Variants in KCND1 observed in about 807,000 individuals in gnomAD.
KCND1 encodes the protein A-type voltage-gated potassium channel KCND1.
KCND1 carries 11 observed loss-of-function variants against 31.8 expected under a neutral mutation model. That is an observed-to-expected ratio of 0.35 (90% CI 0.22 to 0.57). KCND1 has a LOEUF of 0.57. Ranked by LOEUF, KCND1 falls within the 20% of genes least tolerant of loss-of-function variation. The pLI is 0.85. For missense variants in KCND1, 471 were observed against 596.8 expected (o/e 0.79, Z 2.20); for synonymous variants, 234 against 248.1 (o/e 0.94, Z 0.53).
chrX:48,966,347 G>A (rs1238884867), intron 4 of KCND1, 42 bp from the exon 5 acceptor site: 5 of 1,157,519 alleles, frequency 4.3e-6, no homozygotes, highest in Non-Finnish European at 5.8e-6. Flanking sequence ...CATCCCATGG[G>A]AGCTGATCCC....
Position 48,969,527 on chromosome X carries a change from G to T in KCND1, c.745C>A (p.Arg249=), listed in dbSNP as rs782167195. ...CAACGGCTGGGGGCGGCAAACAGCC[G>T]CAGGAGGTATTCACCTGTGAATATG... is the stretch of plus-strand genomic sequence containing the variant. The part of the protein sequence containing the change: ...VLIFTGEYLL[R]LFAAPSRCRF... The change falls in exon 1 of 6, where the codon CGG becomes AGG. Residue 249 remains arginine, a synonymous_variant. Coordinates refer to ENST00000218176, the MANE Select transcript of KCND1 (RefSeq NM_004979.6). 11 of 1,209,547 alleles carry T rather than the reference G, an allele frequency of 9.1e-6. No homozygotes were observed. The highest frequency in any genetic ancestry group is 1.8e-5 in the South Asian group (1 of 56,687).
In KCND1 at chrX:48,966,634, G is replaced by T; in HGVS notation, c.1411C>A (p.Arg471Ser). Residue 471 changes from arginine to serine, a missense_variant, in exon 4 of 6, where the codon CGT (arginine) becomes AGT (serine). Arg to Ser is a moderately radical substitution (Grantham distance 110, BLOSUM62 -1). Transcript: ENST00000218176. Reference sequence around the variant, plus strand: ...TGATGTTGCTGTTCAAAGGCAGAACGGTTCCTGACACAAAGAGCCTGTTCC... The same window carrying T: ...TGATGTTGCTGTTCAAAGGCAGAACTGTTCCTGACACAAAGAGCCTGTTCC... ...GEEQALCVRN[R>S]SAFEQQHHHL... The T allele has an allele frequency of 8.3e-7, 1 of 1,210,323 alleles. No homozygotes were observed. The highest frequency in any genetic ancestry group is 1.1e-6 in the Non-Finnish European group (1 of 894,828).
At chrX:48,963,795 C>G (rs2064336553) in intron 5 of KCND1, among the ~76,000 whole-genome samples, 1 of 112,094 alleles carries the variant, frequency 8.9e-6, no homozygotes, top group African/African-American at 3.2e-5. Context: ...ATGGTTACTC[C>G]TAACAGTGTC....
chrX:48,962,921 G>A (rs782743114), intron 5 of KCND1, 115 bp from the exon 6 acceptor site: 2 of 554,696 alleles, frequency 3.6e-6, no homozygotes, highest in East Asian at 7.3e-5. Context: ...TGGATCATCT[G>A]AGGTCAAGAG....
At position 48,969,405 on chromosome X, in the gene KCND1, G is replaced by A. The variant is rs1360413880; in HGVS notation, c.867C>T (p.Gly289=). Residue 289 remains glycine (G), a synonymous_variant, in exon 1 of 6, where the codon GGC becomes GGT. Coordinates refer to ENST00000218176, the MANE Select transcript of KCND1 (RefSeq NM_004979.6). ...GGAACACACGCAGGGTGACAAAGGC[G>A]CCAGAGACATCGTCGTTCTTGGGCA... The part of the protein sequence containing the change: ...LLVPKNDDVS[G]AFVTLRVFRV... 2.5e-6 allele frequency: 3 copies of A among 1,209,141 alleles called. No individual in the cohort carries two copies. Among genetic ancestry groups the A allele is most frequent in the African/African-American group, 1.7e-5 (1 of 57,294 alleles).
rs373479065 is a variant in KCND1 at position 48,962,651 on chromosome X, C to T, written c.1874G>A (p.Ser625Asn). ...ACCCAGGCTGGAGTTCCTGAGGGTG[C>T]TGCCGGCCCTGCCACCGCCGCCAGG... Reference protein sequence around the residue: ...SSPGGGGRAGSTLRNSSLGTP... With the variant: ...SSPGGGGRAGNTLRNSSLGTP... Residue 625 changes from serine (S) to asparagine (N), a missense_variant, in exon 6 of 6, where the codon AGC becomes AAC. Physicochemically the swap from Ser to Asn is conservative, Grantham distance 46 (BLOSUM62 1). This residue lies in a region of KCND1 where 185 missense variants were observed against 184.7 expected (regional missense o/e 1.00). Transcript: ENST00000218176. 2.5e-6 allele frequency: 3 copies of T among 1,207,560 alleles called. No homozygotes were observed. The African/African-American group carries it at 5.3e-5, about 21-fold the overall frequency.
At chrX:48,966,434 A>G (rs1557058030) in intron 4 of KCND1, 129 bp from the exon 5 acceptor site, 14 of 1,024,759 alleles carry the variant, frequency 1.4e-5, no homozygotes, top group Non-Finnish European at 1.8e-5. Flanking sequence ...CCATTCTTCA[A>G]GGCTTGGCTC....
At chrX:48,964,129 C>A (rs2087981324) in intron 5 of KCND1, among the ~76,000 whole-genome samples, 2 of 112,604 alleles carry the variant, frequency 1.8e-5, no homozygotes, top group South Asian at 7.2e-4. Flanking sequence ...CACCTGTAAT[C>A]CCAGCACTCT....
rs1557057364 is a variant in KCND1, at chrX:48,962,801, G to C, written c.1724C>G (p.Ser575Cys). The C allele has an allele frequency of 4.1e-6, 5 of 1,205,854 alleles. No individual in the cohort carries two copies. In the South Asian group the frequency reaches 7.1e-5, roughly 17 times the overall value. ...LRRSHAPQSRSSLNAKPHDSL... is the reference protein window; with the variant it reads ...LRRSHAPQSRCSLNAKPHDSL... ...GTCATGGGGCTTGGCATTGAGGCTG[G>C]AACGGCTGTGGACAAGGGTGGAGAA... Residue 575 changes from serine (S) to cysteine (C), a missense_variant, in exon 6 of 6, where the codon TCC becomes TGC. By Grantham distance (112) the Ser-to-Cys change is moderately radical. Around this residue, in one of 3 missense-constraint regions of KCND1, gnomAD observed 185 missense variants for 184.7 expected, o/e 1.00. Coordinates refer to ENST00000218176, the MANE Select transcript of KCND1 (RefSeq NM_004979.6).
In KCND1 at chrX:48,961,404, G is replaced by T. The variant is rs2064318778; in HGVS notation, c.*1177C>A. The T allele has an allele frequency of 8.9e-6, 1 of 112,157 alleles. No homozygotes were observed. Among genetic ancestry groups the T allele is most frequent in the African/African-American group, 3.2e-5 (1 of 30,848 alleles). 9.2% of individuals were successfully genotyped at this position (112,157 alleles called of 1,213,427 possible). A position where few individuals can be genotyped will look rare whatever the true frequency, so the allele number is the denominator to read the frequency against. Reference sequence around the variant, plus strand: ...CTCATCTCTCCTCTCAGGTTTTATTGACTGATGGAAACTACATCTTTGTCA... The same window carrying T: ...CTCATCTCTCCTCTCAGGTTTTATTTACTGATGGAAACTACATCTTTGTCA... On this transcript the variant is annotated 3_prime_UTR_variant, in exon 6 of 6. Coordinates refer to ENST00000218176, the MANE Select transcript of KCND1 (RefSeq NM_004979.6).
At chrX:48,966,334 G>C in intron 4 of KCND1, 29 bp from the exon 5 acceptor site, 5 of 1,167,235 alleles carry the variant, frequency 4.3e-6, no homozygotes, top group Non-Finnish European at 5.7e-6. Flanking sequence ...CAGGGTCACG[G>C]GGCATCCCAT....
At chrX:48,965,005 G>T (rs1362058767) in intron 5 of KCND1, among the ~76,000 whole-genome samples, 1 of 40,170 alleles carries the variant, frequency 2.5e-5, no homozygotes, top group African/African-American at 6.5e-5. Context: ...CTAGCAACAA[G>T]ACTCCGTCTA....
chrX:48,964,954 G>A (rs1326110314), intron 5 of KCND1, among the ~76,000 whole-genome samples: 7 of 103,728 alleles, frequency 6.7e-5, no homozygotes, highest in Admixed American at 6.1e-4. Flanking sequence ...CCCGGGAGGC[G>A]GAGGTTGCAG....
At position 48,962,607 on chromosome X, in the gene KCND1, C is replaced by T. The variant is rs782207895; in HGVS notation, c.1918G>A (p.Glu640Lys). 3.3e-6 allele frequency: 4 copies of T among 1,205,259 alleles called. No individual in the cohort carries two copies. The African/African-American group carries it at 5.3e-5, about 16-fold the overall frequency. ...CACAGGGATGAGATCTTGACAGTCT[C>T]GGGGAAGAGGCAAGGGGTACCCAGG... Reference protein sequence around the residue: ...SSLGTPCLFPETVKISSL With the variant: ...SSLGTPCLFPKTVKISSL Residue 640 changes from glutamate (E) to lysine (K), a missense_variant, in exon 6 of 6, where the codon GAG (glutamate) becomes AAG (lysine). Coordinates refer to ENST00000218176, the MANE Select transcript of KCND1 (RefSeq NM_004979.6).
Position 48,970,179 on chromosome X carries a change from C to T in KCND1, c.93G>A (p.Pro31=), listed in dbSNP as rs368004864. The change falls in exon 1 of 6, where the codon CCG becomes CCA. Residue 31 remains proline (P), a synonymous_variant. Transcript: ENST00000218176. Reference sequence around the variant, plus strand: ...CATCTCCTCGAGATGCCTTCACCCCCGGTGCCGGGGGCAGGGGTTGCTGGG... The same window carrying T: ...CATCTCCTCGAGATGCCTTCACCCCTGGTGCCGGGGGCAGGGGTTGCTGGG... The part of the protein sequence containing the change: ...PLAQQPLPPA[P]GVKASRGDEV... 7.4e-6 allele frequency: 9 copies of T among 1,210,049 alleles called. No individual in the cohort carries two copies. Among genetic ancestry groups the T allele is most frequent in the East Asian group, 3.0e-5 (1 of 33,754 alleles).
intron 4 of KCND1, 103 bp from the exon 5 acceptor site, chrX:48,966,408 T>C: frequency 9.3e-7 from 1 of 1,072,200 alleles, no homozygotes; most frequent in African/African-American, 1.8e-5. Flanking sequence ...CATTGTTCCC[T>C]CTTCCCTTCC....
chrX:48,969,840 G>A lies in KCND1; in HGVS notation c.432C>T (p.Ala144=), dbSNP rs782123747. The A allele has an allele frequency of 1.6e-5, 19 of 1,210,371 alleles. No homozygotes were observed. Among genetic ancestry groups the A allele is most frequent in the South Asian group, 5.3e-5 (3 of 56,739 alleles). The part of the protein sequence containing the change: ...EEYRDRKKEN[A]ERLAEDEEAE... ...CCTCCTCATCCTCTGCCAGGCGCTCGGCATTCTCCTTCTTTCGGTCCCGAT... is the reference window on the plus strand; with the variant it reads ...CCTCCTCATCCTCTGCCAGGCGCTCAGCATTCTCCTTCTTTCGGTCCCGAT... Residue 144 remains alanine, a synonymous_variant, in exon 1 of 6, where the codon GCC becomes GCT. Transcript: ENST00000218176.
At position 48,969,399 on chromosome X, in the gene KCND1, A is replaced by G. The variant is rs2064370794; in HGVS notation, c.873T>C (p.Phe291=). Residue 291 remains phenylalanine, a synonymous_variant, in exon 1 of 6, where the codon TTT becomes TTC. Coordinates refer to ENST00000218176, the MANE Select transcript of KCND1 (RefSeq NM_004979.6). ...VPKNDDVSGA[F]VTLRVFRVFR... ...ACACCCGGAACACACGCAGGGTGAC[A>G]AAGGCGCCAGAGACATCGTCGTTCT... 8.3e-7 allele frequency: 1 copy of G among 1,209,298 alleles called. No homozygotes were observed. Among genetic ancestry groups the G allele is most frequent in the Admixed American group, 2.2e-5 (1 of 45,714 alleles).
In KCND1 at chrX:48,971,784, G is replaced by T; in HGVS notation, c.-1513C>A. On this transcript the variant is annotated 5_prime_UTR_variant, in exon 1 of 6. Coordinates refer to ENST00000218176, the MANE Select transcript of KCND1 (RefSeq NM_004979.6). ...AGCAGCAACAGCGGTGGGGCTGGGGGTACCAAACACCCGAGCTCCTGGCCC... is the reference window on the plus strand; with the variant it reads ...AGCAGCAACAGCGGTGGGGCTGGGGTTACCAAACACCCGAGCTCCTGGCCC... Among the ~76,000 whole-genome samples, 1 of 111,218 alleles carries T rather than the reference G, an allele frequency of 9.0e-6. No individual in the cohort carries two copies. Among genetic ancestry groups the T allele is most frequent in the Non-Finnish European group, 1.9e-5 (1 of 52,749 alleles).
Sources: gnomAD v4.1 joint callset for allele counts (sites outside exome capture counted in the v4.1 genomes callset) on GRCh38, gnomAD v4.1.1 for gene constraint, gnomAD v4.1.1 regional missense constraint, MANE v1.5 for transcripts, NCBI Gene and HGNC (gene_info 2026-07-23, HGNC 2026-07-21) for gene names.